Variants in FBXW2 observed in about 807,000 individuals in gnomAD.
The protein encoded by FBXW2 is F-box and WD repeat domain containing 2.
Under a neutral mutation model 46.0 loss-of-function variants are expected in FBXW2, and 12 were observed. That is an observed-to-expected ratio of 0.26 (90% CI 0.17 to 0.42). The LOEUF (loss-of-function observed/expected upper bound fraction) is 0.42, where lower values mean the gene tolerates loss of function less well. Among genes scored for constraint, FBXW2 ranks in the 10% least tolerant of loss-of-function variants. The pLI, the probability that FBXW2 is intolerant of heterozygous loss-of-function variation, is 1.00. For missense variants in FBXW2, 360 were observed against 537.0 expected (o/e 0.67, Z 3.26); for synonymous variants, 203 against 209.6 (o/e 0.97, Z 0.27).
intron 5 of FBXW2, among the ~76,000 whole-genome samples, chr9:120,775,121 G>A (rs989504632): frequency 4.6e-5 from 7 of 151,216 alleles, no homozygotes; most frequent in African/African-American, 1.2e-4. Context: ...GCAGTGGCAC[G>A]ATCTTGGCTC....
chr9:120,776,269 G>T (rs1338261474), intron 4 of FBXW2, 43 bp from the exon 5 acceptor site: 2 of 1,599,402 alleles, frequency 1.3e-6, no homozygotes, highest in South Asian at 1.1e-5. Flanking sequence ...GTCTCTGTCA[G>T]TGGGTCTTTT....
At chr9:120,787,533 T>C (rs937680318) in intron 3 of FBXW2, among the ~76,000 whole-genome samples, 1 of 152,150 alleles carries the variant, frequency 6.6e-6, no homozygotes, top group African/African-American at 2.4e-5. Context: ...GTAATTCACA[T>C]AATGTTTAAA....
At chr9:120,783,707 A>G (rs770052447) in intron 3 of FBXW2, among the ~76,000 whole-genome samples, 16 of 152,354 alleles carry the variant, frequency 1.1e-4, no homozygotes, top group Non-Finnish European at 2.2e-4. Context: ...GCTCTAATTC[A>G]TCCGTGTATG....
intron 7 of FBXW2, among the ~76,000 whole-genome samples, chr9:120,769,796 C>G (rs929867144): frequency 2.6e-5 from 4 of 152,194 alleles, no homozygotes; most frequent in African/African-American, 9.6e-5. Context: ...GAATGCTGGG[C>G]AAGGCCCCTA....
chr9:120,761,550 C>T lies in FBXW2; in HGVS notation c.*3009G>A, dbSNP rs1283081723. The T allele has an allele frequency of 6.6e-6, 1 of 152,236 alleles. No individual in the cohort carries two copies. The highest frequency in any genetic ancestry group is 2.4e-5 in the African/African-American group (1 of 41,460). 9.4% of individuals were successfully genotyped at this position (152,236 alleles called of 1,614,324 possible). A position where few individuals can be genotyped will look rare whatever the true frequency, so the allele number is the denominator to read the frequency against. On this transcript the variant is annotated 3_prime_UTR_variant, in exon 8 of 8. Coordinates refer to ENST00000608872, the MANE Select transcript of FBXW2 (RefSeq NM_012164.4). Reference sequence around the variant, plus strand: ...AAGAATAGTTTTAGTTATCCCCTATCCACTTCTCATTCTGACTCCCCACTT... The same window carrying T: ...AAGAATAGTTTTAGTTATCCCCTATTCACTTCTCATTCTGACTCCCCACTT...
At chr9:120,772,706 T>C (rs1352314990) in intron 6 of FBXW2, 48 bp downstream of exon 6, 6 of 1,271,278 alleles carry the variant, frequency 4.7e-6, no homozygotes, top group African/African-American at 4.6e-5. Context: ...TTTCTTATGT[T>C]TTCCAGTTTT....
chr9:120,770,203 C>G (rs551045122), intron 7 of FBXW2, among the ~76,000 whole-genome samples: 224 of 152,132 alleles, frequency 1.5e-3, no homozygotes, highest in Non-Finnish European at 1.9e-3. Flanking sequence ...AGTGAAACCC[C>G]GTCTCTACTA....
rs1037403453 is a variant in FBXW2 at position 120,764,178 on chromosome 9, A to G, written c.*381T>C. The G allele has an allele frequency of 5.2e-6, 2 of 387,664 alleles. No homozygotes were observed. The highest frequency in any genetic ancestry group is 4.4e-5 in the Admixed American group (1 of 22,846). 24.0% of individuals were successfully genotyped at this position (387,664 alleles called of 1,614,324 possible). On this transcript the variant is annotated 3_prime_UTR_variant, in exon 8 of 8. Transcript: ENST00000608872. ...CTTCAAAAGAAAAAAAGGCTATGGT[A>G]AAAAGCTTTAATAACAGACAATGTG...
intron 6 of FBXW2, among the ~76,000 whole-genome samples, chr9:120,772,192 T>C (rs1328120839): frequency 1.3e-5 from 2 of 151,552 alleles, no homozygotes; most frequent in Non-Finnish European, 2.9e-5. Flanking sequence ...GTAGGAGATA[T>C]GTAAAAAAGT....
At chr9:120,783,356 G>C (rs2044656441) in intron 3 of FBXW2, among the ~76,000 whole-genome samples, 1 of 152,092 alleles carries the variant, frequency 6.6e-6, no homozygotes, top group Non-Finnish European at 1.5e-5. Context: ...GAGGTCACCA[G>C]TGATGCAGCA....
intron 7 of FBXW2, among the ~76,000 whole-genome samples, chr9:120,769,382 A>T (rs12554419): frequency 0.053 from 8,029 of 152,290 alleles, 330 homozygotes; most frequent in Middle Eastern, 0.085. Context: ...TTATTATTTA[A>T]AACTATTATT....
rs1008786454 is a variant in FBXW2, at chr9:120,761,111, C to T, written c.*3448G>A. On this transcript the variant is annotated 3_prime_UTR_variant, in exon 8 of 8. Transcript: ENST00000608872. ...GTCCTTCCACTGGAGGGGCTTTCTT[C>T]CTATTTCTCCAATAGGTCTAAAATG... 7.9e-5 allele frequency: 12 copies of T among 152,210 alleles called. No homozygotes were observed. Among genetic ancestry groups the T allele is most frequent in the African/African-American group, 2.9e-4 (12 of 41,454 alleles). The allele number at this position is 152,210 out of a possible 1,614,324, so 9.4% of individuals were successfully genotyped here.
rs926419730 is a variant in FBXW2 at position 120,756,987 on chromosome 9, T to C, written c.*7572A>G. 23 of 152,350 alleles carry C rather than the reference T, an allele frequency of 1.5e-4. No homozygotes were observed. The highest frequency in any genetic ancestry group is 5.5e-4 in the African/African-American group (23 of 41,588). 9.4% of individuals were successfully genotyped at this position (152,350 alleles called of 1,614,324 possible). A position where few individuals can be genotyped will look rare whatever the true frequency, so the allele number is the denominator to read the frequency against. On this transcript the variant is annotated 3_prime_UTR_variant, in exon 8 of 8. Coordinates refer to ENST00000608872, the MANE Select transcript of FBXW2 (RefSeq NM_012164.4). ...TCAACGCATGTCTTGGGTTGAACTA[T>C]TATTTCTAAATCAGTGATAATTAGA...
At chr9:120,787,496 C>A (rs571669502) in intron 3 of FBXW2, among the ~76,000 whole-genome samples, 20 of 152,060 alleles carry the variant, frequency 1.3e-4, no homozygotes, top group Admixed American at 1.0e-3. Flanking sequence ...ATGGAGGAAA[C>A]ACAAAGAAAA....
rs1181287044 is a variant in FBXW2 at position 120,759,370 on chromosome 9, T to C, written c.*5189A>G. On this transcript the variant is annotated 3_prime_UTR_variant, in exon 8 of 8. Transcript: ENST00000608872. ...TGCTTCTATGATGCAAGAAAATAAC[T>C]TCTCATCTTAGAGACATCTTGTTCC... 1 of 152,210 alleles carries C rather than the reference T, an allele frequency of 6.6e-6. No individual in the cohort carries two copies. Among genetic ancestry groups the C allele is most frequent in the Non-Finnish European group, 1.5e-5 (1 of 68,034 alleles). 9.4% of individuals were successfully genotyped at this position (152,210 alleles called of 1,614,324 possible).
At chr9:120,785,406 G>T (rs974483911) in intron 3 of FBXW2, among the ~76,000 whole-genome samples, 1 of 152,192 alleles carries the variant, frequency 6.6e-6, no homozygotes, top group African/African-American at 2.4e-5. Flanking sequence ...AAGAACTGGT[G>T]ATGTTGTTCT....
rs774692984 is a variant in FBXW2, at chr9:120,759,693, T to G, written c.*4866A>C. 6.6e-6 allele frequency: 1 copy of G among 152,242 alleles called. No individual in the cohort carries two copies. Among genetic ancestry groups the G allele is most frequent in the African/African-American group, 2.4e-5 (1 of 41,464 alleles). The allele number at this position is 152,242 out of a possible 1,614,324, so 9.4% of individuals were successfully genotyped here. ...ATCTGAATTACTAATTTTCCAGGGT[T>G]GAATATTAAAAACACATATTTACTT... On this transcript the variant is annotated 3_prime_UTR_variant, in exon 8 of 8. Coordinates refer to ENST00000608872, the MANE Select transcript of FBXW2 (RefSeq NM_012164.4).
intron 4 of FBXW2, 47 bp from the exon 5 acceptor site, chr9:120,776,273 G>C (rs780705757): frequency 1.3e-6 from 2 of 1,593,826 alleles, no homozygotes; most frequent in South Asian, 2.2e-5. Context: ...CTGTCAGTGG[G>C]TCTTTTATAA....
In FBXW2 at chr9:120,764,749, A is replaced by G. The variant is rs1174657236; in HGVS notation, c.1175T>C (p.Leu392Ser). ...GCGACTAATCAGGCTCTCTGTCCGC[A>G]AGTCCATGATGTACAGGTAGCGGTT... The part of the protein sequence containing the change: ...FDNRYLYIMD[L>S]RTESLISRWP... Residue 392 changes from leucine (L) to serine (S), a missense_variant, in exon 8 of 8, where the codon TTG becomes TCG. By Grantham distance (145) the Leu-to-Ser change is moderately radical. Coordinates refer to ENST00000608872, the MANE Select transcript of FBXW2 (RefSeq NM_012164.4). The G allele has an allele frequency of 1.9e-6, 3 of 1,614,166 alleles. No individual in the cohort carries two copies. The highest frequency in any genetic ancestry group is 2.5e-6 in the Non-Finnish European group (3 of 1,180,022).
Sources: gnomAD v4.1 joint callset for allele counts (sites outside exome capture counted in the v4.1 genomes callset) on GRCh38, gnomAD v4.1.1 for gene constraint, MANE v1.5 for transcripts, NCBI Gene and HGNC (gene_info 2026-07-23, HGNC 2026-07-21) for gene names.